Variants in CCDC7 observed in about 807,000 individuals in gnomAD.
CCDC7 encodes the protein coiled-coil domain containing 7, also known as coiled-coil domain-containing protein 7.
CCDC7 carries 183 observed loss-of-function variants against 196.9 expected under a neutral mutation model. The observed-to-expected ratio is 0.93, with a 90% CI of 0.82 to 1.05. CCDC7 has a LOEUF of 1.05. Among genes scored for constraint, CCDC7 ranks in the 50% least tolerant of loss-of-function variants. The probability of loss-of-function intolerance (pLI) is 0.00; values close to 1 mark genes in which losing one functional copy is unlikely to be tolerated. For synonymous variants in CCDC7, 525 were observed against 484.6 expected, an observed-to-expected ratio of 1.08 and a Z score of -1.10; for missense variants, 1,540 against 1,482.2, an observed-to-expected ratio of 1.04 and a Z score of -0.64.
chr10:32,448,859 T>C (rs1197519363), upstream of CCDC7, among the ~76,000 whole-genome samples: 3 of 152,108 alleles, frequency 2.0e-5, no homozygotes, highest in South Asian at 4.1e-4. Context: ...TTAATACTTA[T>C]CACTATTGAT....
chr10:32,554,730 T>G (rs1408215247), intron 13 of CCDC7, among the ~76,000 whole-genome samples: 1 of 152,214 alleles, frequency 6.6e-6, no homozygotes, highest in Non-Finnish European at 1.5e-5. Context: ...TCTTTTTAAG[T>G]TTTTTTAAAA....
At chr10:32,614,300 C>G (rs984051170) in intron 18 of CCDC7, among the ~76,000 whole-genome samples, 1 of 151,172 alleles carries the variant, frequency 6.6e-6, no homozygotes, top group African/African-American at 2.4e-5. Context: ...TTCCTCCATC[C>G]CTTTATTTTT....
intron 24 of CCDC7, among the ~76,000 whole-genome samples, chr10:32,697,667 C>A (rs1277171229): frequency 3.9e-5 from 6 of 152,148 alleles, no homozygotes; most frequent in African/African-American, 1.4e-4. Flanking sequence ...AACAAAGCAA[C>A]TGGGAAGCTC....
At chr10:32,587,391 C>A (rs1047843644) in intron 18 of CCDC7, among the ~76,000 whole-genome samples, 3 of 152,126 alleles carry the variant, frequency 2.0e-5, no homozygotes, top group African/African-American at 7.2e-5. Context: ...GGTGAGAGAG[C>A]ATGAGAGAGC....
At chr10:32,451,578 A>T, upstream of CCDC7, 2 of 1,513,448 alleles carry the variant, frequency 1.3e-6, no homozygotes, top group South Asian at 1.4e-5. Flanking sequence ...TGAATCTCTT[A>T]TTTTTTTTCA....
At chr10:32,558,550 A>G (rs1297365023) in intron 13 of CCDC7, among the ~76,000 whole-genome samples, 1 of 152,152 alleles carries the variant, frequency 6.6e-6, no homozygotes, top group Non-Finnish European at 1.5e-5. Flanking sequence ...TGGTTTTTAA[A>G]TCAGCTACTA....
intron 20 of CCDC7, among the ~76,000 whole-genome samples, chr10:32,637,417 A>G (rs368388716): frequency 2.0e-5 from 3 of 152,134 alleles, no homozygotes; most frequent in Admixed American, 1.3e-4. Context: ...TAAGGTGTAA[A>G]GAAGGGATCC....
intron 20 of CCDC7, among the ~76,000 whole-genome samples, chr10:32,663,629 A>C (rs918546290): frequency 6.6e-6 from 1 of 152,106 alleles, no homozygotes; most frequent in Admixed American, 6.6e-5. Context: ...TAAATATTGT[A>C]GTTGATAATA....
intron 15 of CCDC7, among the ~76,000 whole-genome samples, chr10:32,571,340 A>G (rs2057532853): frequency 6.6e-6 from 1 of 152,112 alleles, no homozygotes; most frequent in Non-Finnish European, 1.5e-5. Flanking sequence ...ACTTCTGTAA[A>G]CATATTTGAA....
chr10:32,444,348 T>G (rs1260323695), upstream of CCDC7, among the ~76,000 whole-genome samples: 1 of 152,186 alleles, frequency 6.6e-6, no homozygotes, highest in Non-Finnish European at 1.5e-5. Context: ...CATGCTTAAA[T>G]TTATTAACTT....
intron 32 of CCDC7, among the ~76,000 whole-genome samples, chr10:32,828,509 A>AGAAGAAGAGGAAGAGGAAGAGGAAGAG: frequency 7.4e-6 from 1 of 135,896 alleles, no homozygotes; most frequent in East Asian, 2.4e-4. Context: ...AAGAAGAAGA[A>AGAAGAAGAGGAAGAGGAAGAGGAAGAG]GAAGAAGAAG....
In CCDC7 at chr10:32,472,906, T is replaced by C. The variant is rs542176079; in HGVS notation, c.739+364T>C. Reference sequence around the variant, plus strand: ...CCGCCATGCCCGGCATGTTTGACTTTTGTGGGGTTTCCTAAGTGTATGAAC... The same window carrying C: ...CCGCCATGCCCGGCATGTTTGACTTCTGTGGGGTTTCCTAAGTGTATGAAC... On this transcript the variant is annotated intron_variant, in intron 7 of 41. Coordinates refer to ENST00000639629, the Ensembl canonical transcript of CCDC7. Among the ~76,000 whole-genome samples, 5 of 152,318 alleles carry C rather than the reference T, an allele frequency of 3.3e-5. No individual in the cohort carries two copies. The South Asian group carries it at 8.3e-4, about 25-fold the overall frequency.
At chr10:32,817,861 C>T (rs778422610) in intron 31 of CCDC7, among the ~76,000 whole-genome samples, 9 of 152,120 alleles carry the variant, frequency 5.9e-5, no homozygotes, top group East Asian at 1.9e-4. Flanking sequence ...AAGGAACAAC[C>T]GGTACCAGCC....
chr10:32,451,575 C>CT (rs2033086111), upstream of CCDC7: 1 of 1,513,736 alleles, frequency 6.6e-7, no homozygotes, highest in African/African-American at 1.4e-5. Context: ...CTCTGAATCT[C>CT]TTATTTTTTT....
chr10:32,641,337 G>T (rs1218731514), intron 20 of CCDC7, among the ~76,000 whole-genome samples: 2 of 152,130 alleles, frequency 1.3e-5, no homozygotes, highest in Non-Finnish European at 2.9e-5. Context: ...ATTTCTCCGA[G>T]GCTTTGTTCG....
chr10:32,577,024 G>GT (rs1176788996), intron 16 of CCDC7, among the ~76,000 whole-genome samples: 8 of 152,064 alleles, frequency 5.3e-5, no homozygotes, highest in Non-Finnish European at 8.8e-5. Context: ...CTAAGTTGTT[G>GT]TAACTATTTC....
At chr10:32,840,501 T>C (rs1241501822) in intron 33 of CCDC7, among the ~76,000 whole-genome samples, 2 of 151,878 alleles carry the variant, frequency 1.3e-5, no homozygotes, top group Non-Finnish European at 2.9e-5. Flanking sequence ...AAGATTGAAA[T>C]GGTAATTTAA....
chr10:32,703,157 TG>T (rs1285103590), intron 24 of CCDC7, among the ~76,000 whole-genome samples: 1 of 152,164 alleles, frequency 6.6e-6, no homozygotes, highest in Non-Finnish European at 1.5e-5. Context: ...TGGTACTGGT[TG>T]TTCCTTTTCA....
At chr10:32,466,643 T>G (rs2036855899) in intron 5 of CCDC7, among the ~76,000 whole-genome samples, 1 of 152,236 alleles carries the variant, frequency 6.6e-6, no homozygotes, top group Non-Finnish European at 1.5e-5. Flanking sequence ...ATGGTATATA[T>G]GTACCACGTT....
Sources: allele counts gnomAD v4.1 joint callset (sites outside exome capture counted in the v4.1 genomes callset), GRCh38; gene constraint gnomAD v4.1.1; transcripts MANE v1.5; gene names NCBI Gene and HGNC (gene_info 2026-07-23, HGNC 2026-07-21).